SLC18A1: variants seen among roughly 807,000 people sequenced by gnomAD.
SLC18A1 encodes the protein solute carrier family 18 member A1.
Under a neutral mutation model 53.7 loss-of-function variants are expected in SLC18A1, and 69 were observed. The observed-to-expected ratio is 1.28, with a 90% CI of 1.06 to 1.57. SLC18A1 has a LOEUF of 1.57. SLC18A1 is among the 40% of genes most tolerant of loss of function. The pLI, the probability that SLC18A1 is intolerant of heterozygous loss-of-function variation, is 0.00. For missense variants in SLC18A1, 932 were observed against 668.1 expected (o/e 1.40, Z -4.35); for synonymous variants, 320 against 248.1 (o/e 1.29, Z -2.72).
intron 10 of SLC18A1, among the ~76,000 whole-genome samples, chr8:20,153,531 A>G (rs2071611779): frequency 6.6e-6 from 1 of 152,312 alleles, no homozygotes; most frequent in African/African-American, 2.4e-5. Context: ...ACAAAAAATT[A>G]GCTGGGCATG....
intron 10 of SLC18A1, among the ~76,000 whole-genome samples, chr8:20,155,723 G>C (rs1200452946): frequency 6.6e-6 from 1 of 152,128 alleles, no homozygotes; most frequent in Non-Finnish European, 1.5e-5. Context: ...TAATGCTTCA[G>C]ACTTTCACTT....
At chr8:20,171,350 G>A in intron 7 of SLC18A1, 55 bp downstream of exon 7, 1 of 1,466,410 alleles carries the variant, frequency 6.8e-7, no homozygotes, top group Non-Finnish European at 9.6e-7. Context: ...ACAACATAAT[G>A]CATTCCCAAC....
Position 20,179,604 on chromosome 8 carries a change from G to A in SLC18A1, c.125-120C>T, listed in dbSNP as rs1254196574. The A allele has an allele frequency of 2.3e-6, 3 of 1,311,900 alleles. No individual in the cohort carries two copies. In the South Asian group the frequency reaches 4.2e-5, roughly 18 times the overall value. 81.3% of individuals were successfully genotyped at this position (1,311,900 alleles called of 1,614,324 possible). On this transcript the variant is annotated intron_variant, in intron 2 of 15. Coordinates refer to ENST00000276373, the MANE Select transcript of SLC18A1 (RefSeq NM_003053.4). ...AAAGTCAAGGAGGACAGGTGATGGGGGCTAAGGACAGATGTCATCTTACCA... is the reference window on the plus strand; with the variant it reads ...AAAGTCAAGGAGGACAGGTGATGGGAGCTAAGGACAGATGTCATCTTACCA...
In SLC18A1 at chr8:20,180,880, C is replaced by T. The variant is rs199716982; in HGVS notation, c.85G>A (p.Val29Ile). 4.2e-5 allele frequency: 68 copies of T among 1,613,980 alleles called. No homozygotes were observed. Among genetic ancestry groups the T allele is most frequent in the Admixed American group, 3.8e-4 (23 of 60,012 alleles). Residue 29 changes from valine (V) to isoleucine (I), a missense_variant, in exon 2 of 16, where the codon GTC (valine) becomes ATC (isoleucine). Val to Ile is a conservative substitution (Grantham distance 29, BLOSUM62 3). Coordinates refer to ENST00000276373, the MANE Select transcript of SLC18A1 (RefSeq NM_003053.4). ...AGCATGTTGTCCAGGAGCAAAGCGACGAATACCACCACCAGCACCAGCTGC... is the reference window on the plus strand; with the variant it reads ...AGCATGTTGTCCAGGAGCAAAGCGATGAATACCACCACCAGCACCAGCTGC... Reference protein sequence around the residue: ...SRQLVLVVVFVALLLDNMLFT... With the variant: ...SRQLVLVVVFIALLLDNMLFT...
chr8:20,156,234 A>T (rs952272826), intron 10 of SLC18A1, among the ~76,000 whole-genome samples: 1 of 149,750 alleles, frequency 6.7e-6, no homozygotes, highest in Non-Finnish European at 1.5e-5. Context: ...AGCACACCTC[A>T]CCAGTTCAGA....
At chr8:20,178,972 C>G (rs1563773314) in intron 3 of SLC18A1, 149 bp downstream of exon 3, 1 of 902,184 alleles carries the variant, frequency 1.1e-6, no homozygotes, top group South Asian at 1.8e-5. Context: ...ACATGTTATT[C>G]TTTGAGTAAC....
At position 20,171,487 on chromosome 8, in the gene SLC18A1, A is replaced by G; in HGVS notation, c.732T>C (p.Ala244=). The stretch of plus-strand genomic sequence containing the variant: ...ACTCGTACATTACACTTCCAAAGGG[A>G]GCTCCCACTGGAGAGGCATAGGAGA... ...GGLALGLLVG[A]PFGSVMYEFV... Residue 244 remains alanine, a synonymous_variant, in exon 7 of 16, where the codon GCT becomes GCC. Transcript: ENST00000276373. The G allele has an allele frequency of 6.2e-7, 1 of 1,613,734 alleles. No individual in the cohort carries two copies. The highest frequency in any genetic ancestry group is 2.2e-5 in the East Asian group (1 of 44,880).
Position 20,171,525 on chromosome 8 carries a change from A to AGGTGAG in SLC18A1, c.725-37_725-32dup, listed in dbSNP as rs749254295. 3.2e-5 allele frequency: 49 copies of AGGTGAG among 1,546,572 alleles called. 2 individuals carry two copies. In the South Asian group the frequency reaches 4.8e-4, roughly 15 times the overall value. On this transcript the variant is annotated intron_variant, in intron 6 of 15. Coordinates refer to ENST00000276373, the MANE Select transcript of SLC18A1 (RefSeq NM_003053.4). Reference sequence around the variant, plus strand: ...GAGGCATAGGAGACACAGATTCCAGAGGTGAGGGTGAGTCCTTTGCAGTGA... The same window carrying AGGTGAG: ...GAGGCATAGGAGACACAGATTCCAGAGGTGAGGGTGAGGGTGAGTCCTTTGCAGTGA...
chr8:20,160,214 T>G (rs1028825708), intron 10 of SLC18A1, among the ~76,000 whole-genome samples: 3 of 150,212 alleles, frequency 2.0e-5, no homozygotes, highest in African/African-American at 7.4e-5. Context: ...TTCGTTTATA[T>G]TTAATTGCTT....
chr8:20,155,812 G>C (rs1563733615), intron 10 of SLC18A1, among the ~76,000 whole-genome samples: 1 of 152,068 alleles, frequency 6.6e-6, no homozygotes, highest in Non-Finnish European at 1.5e-5. Flanking sequence ...AGGCACCAAG[G>C]CTATGAACCC....
chr8:20,157,055 G>A (rs1454006740), intron 10 of SLC18A1, among the ~76,000 whole-genome samples: 1 of 152,140 alleles, frequency 6.6e-6, no homozygotes, highest in East Asian at 1.9e-4. Flanking sequence ...ACATCGGTGA[G>A]CGTAACTAAT....
At chr8:20,171,016 T>C in intron 8 of SLC18A1, 87 bp downstream of exon 8, 3 of 1,332,020 alleles carry the variant, frequency 2.3e-6, no homozygotes, top group Middle Eastern at 1.9e-4. Flanking sequence ...TCTTCACTTT[T>C]CTTCTTATGG....
At chr8:20,155,120 G>C (rs2071651141) in intron 10 of SLC18A1, among the ~76,000 whole-genome samples, 1 of 152,152 alleles carries the variant, frequency 6.6e-6, no homozygotes, top group African/African-American at 2.4e-5. Context: ...GAATCTGTGA[G>C]GCCAAGAACC....
intron 12 of SLC18A1, chr8:20,148,363 G>A (rs2071459858): frequency 5.5e-6 from 5 of 914,512 alleles, no homozygotes; most frequent in East Asian, 9.2e-5. Flanking sequence ...CTCTAACGAG[G>A]GTCTTCCTCT....
At chr8:20,160,641 A>G (rs1173882158) in intron 10 of SLC18A1, among the ~76,000 whole-genome samples, 1 of 152,164 alleles carries the variant, frequency 6.6e-6, no homozygotes, top group African/African-American at 2.4e-5. Flanking sequence ...TGACTCTGAA[A>G]AATACCTACT....
intron 10 of SLC18A1, among the ~76,000 whole-genome samples, chr8:20,157,305 A>C (rs943983629): frequency 1.3e-5 from 2 of 152,212 alleles, no homozygotes; most frequent in Non-Finnish European, 2.9e-5. Context: ...AAGGGCAGCT[A>C]TAATTGCAGC....
intron 10 of SLC18A1, among the ~76,000 whole-genome samples, chr8:20,160,681 C>T (rs1041923453): frequency 9.2e-5 from 14 of 152,210 alleles, no homozygotes; most frequent in Admixed American, 5.9e-4. Flanking sequence ...TGAAGTTGGT[C>T]TTAGTCTGTT....
chr8:20,159,236 G>A lies in SLC18A1; in HGVS notation c.1015+5633C>T, dbSNP rs557811556. Among the ~76,000 whole-genome samples, 94 of 152,202 alleles carry A rather than the reference G, an allele frequency of 6.2e-4. 2 individuals are homozygous for A. Among genetic ancestry groups the A allele is most frequent in the Non-Finnish European group, 1.5e-4 (10 of 68,012 alleles). On this transcript the variant is annotated intron_variant, in intron 10 of 15. Coordinates refer to ENST00000276373, the MANE Select transcript of SLC18A1 (RefSeq NM_003053.4). ...CCCCTACTATGCCCCAGTTCGGCAGGAAGCAGTTAGAGCGGTCATCAGCCA... is the reference window on the plus strand; with the variant it reads ...CCCCTACTATGCCCCAGTTCGGCAGAAAGCAGTTAGAGCGGTCATCAGCCA...
intron 10 of SLC18A1, among the ~76,000 whole-genome samples, 187 bp downstream of exon 10, chr8:20,164,682 C>A (rs2071909572): frequency 6.6e-6 from 1 of 152,172 alleles, no homozygotes; most frequent in African/African-American, 2.4e-5. Context: ...CATCCTCTCT[C>A]ACCCTCCCCT....
Sources: allele counts gnomAD v4.1 joint callset (sites outside exome capture counted in the v4.1 genomes callset), GRCh38; gene constraint gnomAD v4.1.1; transcripts MANE v1.5; gene names NCBI Gene and HGNC (gene_info 2026-07-23, HGNC 2026-07-21).